PTPRD: variants seen among roughly 807,000 people sequenced by gnomAD.
The protein encoded by PTPRD is receptor-type tyrosine-protein phosphatase delta.
Under a neutral mutation model 214.5 loss-of-function variants are expected in PTPRD, and 34 were observed. The observed-to-expected ratio is 0.16, with a 90% CI of 0.12 to 0.21. PTPRD has a LOEUF of 0.21. Ranked by LOEUF, PTPRD falls within the 10% of genes least tolerant of loss-of-function variation. PTPRD has a pLI of 1.00. For synonymous variants in PTPRD, 1,128 were observed against 845.7 expected (o/e 1.33, Z -5.79); for missense variants, 2,545 against 2,398.7 (o/e 1.06, Z -1.27).
chr9:8,947,740 T>C (rs1029660100), intron 11 of PTPRD, among the ~76,000 whole-genome samples: 11 of 152,160 alleles, frequency 7.2e-5, no homozygotes, highest in Admixed American at 5.9e-4. Flanking sequence ...TTTATGTACA[T>C]GTTCTGTATT....
intron 11 of PTPRD, among the ~76,000 whole-genome samples, chr9:8,958,376 T>G (rs1239284994): frequency 6.6e-6 from 1 of 151,992 alleles, no homozygotes; most frequent in Admixed American, 6.6e-5. Context: ...AGCATCTGAT[T>G]GAATTTTGAT....
At chr9:9,312,332 T>C (rs1185915371) in intron 9 of PTPRD, among the ~76,000 whole-genome samples, 1 of 152,084 alleles carries the variant, frequency 6.6e-6, no homozygotes, top group Admixed American at 6.6e-5. Flanking sequence ...ATTAAGAAAA[T>C]TCTATATTAC....
intron 8 of PTPRD, among the ~76,000 whole-genome samples, chr9:9,462,806 T>G (rs190705712): frequency 5.9e-5 from 9 of 152,292 alleles, no homozygotes; most frequent in African/African-American, 1.2e-4. Flanking sequence ...ATGGAAATTT[T>G]GGTGGGATCT....
rs1433286676 is a variant in PTPRD at position 9,664,397 on chromosome 9, A to G, written c.-287+70136T>C. On this transcript the variant is annotated intron_variant, in intron 7 of 45. Coordinates refer to ENST00000381196, the MANE Select transcript of PTPRD (RefSeq NM_002839.4). ...TTTGTTAAGAATCACTTCTCTTCTC[A>G]TACATTAACTACATTTATGAACTAT... Among the ~76,000 whole-genome samples, 9 of 151,702 alleles carry G rather than the reference A, an allele frequency of 5.9e-5. No individual in the cohort carries two copies. The South Asian group carries it at 1.7e-3, about 28-fold the overall frequency.
chr9:9,156,246 A>T (rs2099881077), intron 10 of PTPRD, among the ~76,000 whole-genome samples: 1 of 152,058 alleles, frequency 6.6e-6, no homozygotes, highest in Non-Finnish European at 1.5e-5. Context: ...AAGCTTTAAA[A>T]CTTATTTCCT....
intron 8 of PTPRD, among the ~76,000 whole-genome samples, chr9:9,453,489 T>C (rs934033985): frequency 1.3e-5 from 2 of 151,644 alleles, no homozygotes; most frequent in Non-Finnish European, 3.0e-5. Flanking sequence ...AGAATAACCA[T>C]TCAAAGAAAT....
intron 9 of PTPRD, among the ~76,000 whole-genome samples, chr9:9,277,982 T>C (rs1946289806): frequency 6.6e-6 from 1 of 151,430 alleles, no homozygotes; most frequent in South Asian, 2.1e-4. Flanking sequence ...GGAAGAAATA[T>C]GTTACCTCAT....
At chr9:8,968,915 C>A (rs865971589) in intron 11 of PTPRD, among the ~76,000 whole-genome samples, 1 of 151,984 alleles carries the variant, frequency 6.6e-6, no homozygotes, top group South Asian at 2.1e-4. Context: ...GGAAAAAGTT[C>A]ACAAAAATCA....
At chr9:9,703,973 C>G (rs534957100) in intron 7 of PTPRD, among the ~76,000 whole-genome samples, 3 of 152,320 alleles carry the variant, frequency 2.0e-5, no homozygotes, top group South Asian at 2.1e-4. Flanking sequence ...CAGCCCTGAT[C>G]TCCCAGGCTC....
chr9:9,057,531 A>G (rs188197936), intron 10 of PTPRD, among the ~76,000 whole-genome samples: 2 of 152,362 alleles, frequency 1.3e-5, no homozygotes, highest in African/African-American at 4.8e-5. Context: ...TTTAAGAATA[A>G]GAATCACATT....
chr9:9,174,343 C>A (rs2099923311), intron 10 of PTPRD, among the ~76,000 whole-genome samples: 1 of 152,266 alleles, frequency 6.6e-6, no homozygotes, highest in South Asian at 2.1e-4. Flanking sequence ...AACATATCCA[C>A]AATTACCCAT....
intron 10 of PTPRD, among the ~76,000 whole-genome samples, chr9:9,130,463 A>G (rs1278791269): frequency 1.3e-5 from 2 of 152,322 alleles, no homozygotes; most frequent in South Asian, 4.1e-4. Context: ...ATAGTCTACA[A>G]CTTGTGTAAA....
At chr9:10,348,255 A>T (rs560891333) in intron 2 of PTPRD, among the ~76,000 whole-genome samples, 1 of 152,164 alleles carries the variant, frequency 6.6e-6, no homozygotes, top group Non-Finnish European at 1.5e-5. Context: ...CAGAGCTTCT[A>T]ACTATAAACT....
chr9:8,668,918 T>C (rs1259091913), intron 12 of PTPRD, among the ~76,000 whole-genome samples: 1 of 152,054 alleles, frequency 6.6e-6, no homozygotes, highest in African/African-American at 2.4e-5. Context: ...CAGACCAAAA[T>C]ATACCAGAGC....
In PTPRD at chr9:8,539,816, G is replaced by C. The variant is rs924620923; in HGVS notation, c.353-11037C>G. Among the ~76,000 whole-genome samples, 5 of 152,140 alleles carry C rather than the reference G, an allele frequency of 3.3e-5. No individual in the cohort carries two copies. In the East Asian group the frequency reaches 9.7e-4, roughly 29 times the overall value. ...CTGAGGAACTCTTCCAGGTTGACAA[G>C]TACAAAATACAATTCTGAACTGGAG... On this transcript the variant is annotated intron_variant, in intron 14 of 45. Transcript: ENST00000381196.
intron 10 of PTPRD, among the ~76,000 whole-genome samples, chr9:9,164,294 A>G (rs530033022): frequency 2.6e-5 from 4 of 152,086 alleles, no homozygotes; most frequent in Non-Finnish European, 5.9e-5. Flanking sequence ...CAAAGTCAGC[A>G]GGCCATCTTT....
intron 11 of PTPRD, among the ~76,000 whole-genome samples, chr9:8,882,327 T>C (rs2098453127): frequency 6.6e-6 from 1 of 152,138 alleles, no homozygotes; most frequent in Non-Finnish European, 1.5e-5. Context: ...AATCCAATCT[T>C]CTTGTTTTAC....
chr9:9,113,204 G>T (rs1591821926), intron 10 of PTPRD, among the ~76,000 whole-genome samples: 1 of 151,654 alleles, frequency 6.6e-6, no homozygotes, highest in Non-Finnish European at 1.5e-5. Context: ...TCAAATCCTG[G>T]GCTGAAGTTA....
At chr9:8,724,594 C>T (rs1372975745) in intron 12 of PTPRD, among the ~76,000 whole-genome samples, 1 of 151,938 alleles carries the variant, frequency 6.6e-6, no homozygotes, top group Non-Finnish European at 1.5e-5. Context: ...GAATAAAAAC[C>T]AAGATTTTGA....
Sources: gnomAD v4.1 joint callset for allele counts (sites outside exome capture counted in the v4.1 genomes callset) on GRCh38, gnomAD v4.1.1 for gene constraint, MANE v1.5 for transcripts, NCBI Gene and HGNC (gene_info 2026-07-23, HGNC 2026-07-21) for gene names.